Variants in C12orf42 observed in about 807,000 individuals in gnomAD.
C12orf42 encodes the protein uncharacterized protein C12orf42.
C12orf42 carries 25 observed loss-of-function variants against 21.6 expected under a neutral mutation model. That is an observed-to-expected ratio of 1.16 (90% CI 0.84 to 1.62). C12orf42 has a LOEUF of 1.62. Among genes scored for constraint, C12orf42 ranks in the 40% most tolerant of loss-of-function variants. The probability of loss-of-function intolerance (pLI) is 0.00; values close to 1 mark genes in which losing one functional copy is unlikely to be tolerated. For missense variants in C12orf42, 483 were observed against 459.3 expected, an observed-to-expected ratio of 1.05 and a Z score of -0.47; for synonymous variants, 174 against 175.0, an observed-to-expected ratio of 0.99 and a Z score of 0.05.
At chr12:103,143,143 T>C in the C12orf42 span, among the ~76,000 whole-genome samples, 1 of 152,202 alleles carries the variant, frequency 6.6e-6, no homozygotes, top group East Asian at 1.9e-4. Context: ...GGGAAAGTAC[T>C]TAAGCAACTT....
intron 2 of C12orf42, among the ~76,000 whole-genome samples, chr12:103,437,559 A>G (rs1200550404): frequency 2.0e-5 from 3 of 152,184 alleles, no homozygotes; most frequent in Non-Finnish European, 4.4e-5. Flanking sequence ...ACAATAAAAA[A>G]TGATAAAGGG....
chr12:103,116,812 A>G, the C12orf42 span, among the ~76,000 whole-genome samples: 2 of 152,242 alleles, frequency 1.3e-5, no homozygotes, highest in African/African-American at 4.8e-5. Flanking sequence ...GTTCAGAAAG[A>G]TAAAGTACCT....
At chr12:103,176,460 G>T in the C12orf42 span, among the ~76,000 whole-genome samples, 13 of 152,112 alleles carry the variant, frequency 8.5e-5, no homozygotes, top group South Asian at 4.1e-4. Flanking sequence ...GCACATAAGG[G>T]TTTATCGGAG....
chr12:103,146,588 G>GAAAGAAAGAAAGAAAA, the C12orf42 span, among the ~76,000 whole-genome samples: 6 of 148,240 alleles, frequency 4.0e-5, no homozygotes, highest in African/African-American at 1.5e-4. Flanking sequence ...AAGAAAGAAA[G>GAAAGAAAGAAAGAAAA]AAAGAAAGAA....
At chr12:103,226,524 G>C in the C12orf42 span, among the ~76,000 whole-genome samples, 1 of 152,154 alleles carries the variant, frequency 6.6e-6, no homozygotes, top group Non-Finnish European at 1.5e-5. Flanking sequence ...TCTGATTTGG[G>C]ATAAAGAAAA....
At chr12:103,345,341 T>C (rs370052903) in intron 4 of C12orf42, among the ~76,000 whole-genome samples, 29 of 152,332 alleles carry the variant, frequency 1.9e-4, no homozygotes, top group East Asian at 1.7e-3. Context: ...AATAAGTTGA[T>C]ACACAGAAAG....
chr12:103,096,402 T>C, the C12orf42 span, among the ~76,000 whole-genome samples: 1 of 152,202 alleles, frequency 6.6e-6, no homozygotes, highest in Non-Finnish European at 1.5e-5. Context: ...CGGACCCAAG[T>C]ACTTAATAAA....
At chr12:103,478,556 A>T in intron 1 of C12orf42, 109 bp from the exon 2 acceptor site, 2 of 467,536 alleles carry the variant, frequency 4.3e-6, no homozygotes, top group East Asian at 3.8e-5. Context: ...CCATGAACAT[A>T]GTATTTCTTG....
At chr12:103,395,214 C>A (rs111511236) in intron 3 of C12orf42, among the ~76,000 whole-genome samples, 1,546 of 152,300 alleles carry the variant, frequency 0.01, 26 homozygotes, top group African/African-American at 0.035. Context: ...AATATGATAT[C>A]TTCCTCTGCC....
rs1040598898 is a variant in C12orf42 at position 103,418,821 on chromosome 12, C to G, written c.79-17146G>C. ...TAGGAAGCTCATTTTCTGTATGTAA[C>G]ATTCCGTTAAATTTTTTTTTTTTTT... is the stretch of plus-strand genomic sequence containing the variant. On this transcript the variant is annotated intron_variant, in intron 2 of 5. Transcript: ENST00000548883. Among the ~76,000 whole-genome samples, 10 of 150,064 alleles carry G rather than the reference C, an allele frequency of 6.7e-5. No individual in the cohort carries two copies. The South Asian group carries it at 1.7e-3, about 26-fold the overall frequency.
At chr12:103,411,616 A>G (rs2048851899) in intron 2 of C12orf42, among the ~76,000 whole-genome samples, 1 of 152,160 alleles carries the variant, frequency 6.6e-6, no homozygotes, top group Non-Finnish European at 1.5e-5. Flanking sequence ...CTTATGAAAA[A>G]GAAGCCAGGG....
intron 10 of C12orf42, among the ~76,000 whole-genome samples, chr12:103,252,790 A>G (rs1173971462): frequency 6.6e-6 from 1 of 152,206 alleles, no homozygotes; most frequent in African/African-American, 2.4e-5. Context: ...TTTGCTGTGC[A>G]GAAGCTCTTT....
At chr12:103,437,651 C>A (rs1277964783) in intron 2 of C12orf42, among the ~76,000 whole-genome samples, 2 of 151,912 alleles carry the variant, frequency 1.3e-5, no homozygotes, top group Non-Finnish European at 2.9e-5. Context: ...ACTAGAAAAT[C>A]TAGAAGAAAT....
chr12:103,235,648 T>A (rs1011142887), downstream of C12orf42, among the ~76,000 whole-genome samples: 2 of 152,174 alleles, frequency 1.3e-5, no homozygotes, highest in African/African-American at 4.8e-5. Flanking sequence ...CTTATTCATC[T>A]CTAAGTGGCT....
At chr12:103,359,185 CTT>C (rs950683387) in intron 4 of C12orf42, among the ~76,000 whole-genome samples, 1 of 151,356 alleles carries the variant, frequency 6.6e-6, no homozygotes, top group Non-Finnish European at 1.5e-5. Flanking sequence ...ATTCAATAAT[CTT>C]TTTTTTTATC....
the C12orf42 span, among the ~76,000 whole-genome samples, chr12:103,075,334 G>T: frequency 6.6e-6 from 1 of 151,920 alleles, no homozygotes; most frequent in Non-Finnish European, 1.5e-5. Flanking sequence ...TTTGTTGTAA[G>T]CTTGGAAACC....
At chr12:103,082,979 G>T in the C12orf42 span, among the ~76,000 whole-genome samples, 13 of 152,340 alleles carry the variant, frequency 8.5e-5, no homozygotes, top group African/African-American at 3.1e-4. Context: ...TTCAGGAAGA[G>T]CTTTATAGCA....
the C12orf42 span, chr12:103,168,110 T>G: frequency 4.4e-6 from 2 of 455,798 alleles, no homozygotes; most frequent in African/African-American, 2.0e-5. Context: ...ATGGAAGTCT[T>G]TAAACATAAA....
At chr12:103,513,098 T>C in the C12orf42 span, among the ~76,000 whole-genome samples, 2 of 152,134 alleles carry the variant, frequency 1.3e-5, no homozygotes, top group African/African-American at 4.8e-5. Flanking sequence ...TGATATTCCC[T>C]TGGAGAAATG....
Sources: allele counts gnomAD v4.1 joint callset (sites outside exome capture counted in the v4.1 genomes callset), GRCh38; gene constraint gnomAD v4.1.1; transcripts MANE v1.5; gene names NCBI Gene and HGNC (gene_info 2026-07-23, HGNC 2026-07-21).